IDO2: variants seen among roughly 807,000 people sequenced by gnomAD.
The protein encoded by IDO2 is indoleamine 2,3-dioxygenase-like 1 protein.
Under a neutral mutation model 45.1 loss-of-function variants are expected in IDO2, and 46 were observed. That is an observed-to-expected ratio of 1.02 (90% CI 0.80 to 1.30). IDO2 has a LOEUF of 1.30. Among genes scored for constraint, IDO2 ranks in the 50% most tolerant of loss-of-function variants. IDO2 has a pLI of 0.00. For synonymous variants in IDO2, 218 were observed against 184.9 expected (o/e 1.18, Z -1.45); for missense variants, 544 against 491.8 (o/e 1.11, Z -1.00).
At chr8:39,948,759 C>G (rs1459697504) in intron 1 of IDO2, among the ~76,000 whole-genome samples, 4 of 152,152 alleles carry the variant, frequency 2.6e-5, no homozygotes, top group African/African-American at 7.2e-5. Context: ...TGGAGTAACT[C>G]TGATCCATTT....
At chr8:39,942,371 T>C (rs571120107) in intron 1 of IDO2, among the ~76,000 whole-genome samples, 1 of 152,206 alleles carries the variant, frequency 6.6e-6, no homozygotes, top group African/African-American at 2.4e-5. Flanking sequence ...GGGCTGGGCG[T>C]GGTGGTTCAC....
In IDO2 at chr8:39,958,001, G is replaced by C. The variant is rs181287252; in HGVS notation, c.100-5607G>C. On this transcript the variant is annotated intron_variant, in intron 2 of 10. Transcript: ENST00000502986. ...GCTCACTGCAACCTTCGCCTCCTGG[G>C]TTCACGCCATTCTCCCGCCTCAGCC... Among the ~76,000 whole-genome samples, 351 of 152,006 alleles carry C rather than the reference G, an allele frequency of 2.3e-3. 1 individual carries two copies. The highest frequency in any genetic ancestry group is 4.2e-3 in the Non-Finnish European group (283 of 67,980).
At chr8:39,962,293 A>G (rs1437493025) in intron 2 of IDO2, among the ~76,000 whole-genome samples, 1 of 152,198 alleles carries the variant, frequency 6.6e-6, no homozygotes, top group Non-Finnish European at 1.5e-5. Flanking sequence ...TATCTTTAAT[A>G]TATGGCTTCT....
intron 8 of IDO2, among the ~76,000 whole-genome samples, chr8:39,994,655 G>A (rs1421215): frequency 0.27 from 15,705 of 58,678 alleles, 1,138 homozygotes; most frequent in East Asian, 0.46. Flanking sequence ...TAAATGTCTC[G>A]GTTCAGCCTG....
intron 1 of IDO2, among the ~76,000 whole-genome samples, chr8:39,946,431 C>A (rs1009491173): frequency 6.6e-6 from 1 of 152,016 alleles, no homozygotes; most frequent in Non-Finnish European, 1.5e-5. Flanking sequence ...ACATGGTAAA[C>A]CCTGTCTCTA....
At chr8:39,973,805 A>G (rs2129594200) in intron 3 of IDO2, among the ~76,000 whole-genome samples, 1 of 151,062 alleles carries the variant, frequency 6.6e-6, no homozygotes, top group East Asian at 1.9e-4. Flanking sequence ...GTAGTGGCAC[A>G]ATCTCGGCTC....
chr8:39,953,272 A>G (rs1217329519), intron 2 of IDO2, among the ~76,000 whole-genome samples: 1 of 152,182 alleles, frequency 6.6e-6, no homozygotes, highest in Non-Finnish European at 1.5e-5. Flanking sequence ...TCCTCAAAGA[A>G]TGTTACATGC....
intron 1 of IDO2, among the ~76,000 whole-genome samples, chr8:39,948,578 C>T (rs1013212624): frequency 1.1e-4 from 16 of 152,070 alleles, no homozygotes; most frequent in Admixed American, 2.6e-4. Flanking sequence ...ATCACTAACG[C>T]GACATTTTGA....
At chr8:39,991,862 C>T (rs113043725) in intron 8 of IDO2, among the ~76,000 whole-genome samples, 3,695 of 152,294 alleles carry the variant, frequency 0.024, 62 homozygotes, top group Middle Eastern at 0.041. Context: ...TGAGCCACTG[C>T]GCCCAGCTCA....
chr8:39,947,394 G>C (rs1807753120), intron 1 of IDO2, among the ~76,000 whole-genome samples: 1 of 152,076 alleles, frequency 6.6e-6, no homozygotes, highest in Admixed American at 6.6e-5. Context: ...TATGTTCTTA[G>C]CTCCCACAAT....
At chr8:39,985,364 G>A (rs879366260) in intron 5 of IDO2, 144 bp from the exon 6 acceptor site, 77 of 678,128 alleles carry the variant, frequency 1.1e-4, no homozygotes, top group Non-Finnish European at 1.6e-4. Context: ...GTGGATGTGT[G>A]TGTGCCTGCA....
At chr8:39,956,022 T>C (rs1585399472) in intron 2 of IDO2, among the ~76,000 whole-genome samples, 1 of 152,020 alleles carries the variant, frequency 6.6e-6, no homozygotes, top group African/African-American at 2.4e-5. Context: ...AGGATTAATC[T>C]TTAGGTTACG....
intron 1 of IDO2, among the ~76,000 whole-genome samples, chr8:39,947,171 C>CAAAAAAAAAAAAAAAAA (rs55785952): frequency 2.5e-5 from 2 of 80,036 alleles, no homozygotes; most frequent in Non-Finnish European, 4.5e-5. Flanking sequence ...GCTAAGGTAT[C>CAAAAAAAAAAAAAAAAA]AAAAAAAAAA....
intron 2 of IDO2, among the ~76,000 whole-genome samples, chr8:39,949,480 C>T (rs1248145329): frequency 1.3e-5 from 2 of 151,972 alleles, no homozygotes; most frequent in Non-Finnish European, 2.9e-5. Context: ...TTTTTTGTTT[C>T]AGTTTCTTTT....
intron 8 of IDO2, among the ~76,000 whole-genome samples, chr8:40,000,782 T>C (rs1354907316): frequency 2.6e-5 from 4 of 152,350 alleles, no homozygotes; most frequent in Non-Finnish European, 4.4e-5. Flanking sequence ...TCTTTAGTTT[T>C]ATTGGCCAAC....
At chr8:40,013,175 A>C (rs550176219) in intron 9 of IDO2, among the ~76,000 whole-genome samples, 56 of 152,258 alleles carry the variant, frequency 3.7e-4, no homozygotes, top group African/African-American at 1.1e-3. Flanking sequence ...GTATCTGCTC[A>C]TCAAGGTTGA....
At chr8:39,988,953 G>A (rs754866605) in intron 7 of IDO2, among the ~76,000 whole-genome samples, 3 of 152,058 alleles carry the variant, frequency 2.0e-5, no homozygotes, top group Non-Finnish European at 2.9e-5. Flanking sequence ...CCAGCAGAGG[G>A]GATTCTAGAG....
intron 1 of IDO2, 59 bp downstream of exon 1, chr8:39,935,277 G>A (rs1807528143): frequency 1.5e-6 from 2 of 1,348,262 alleles, no homozygotes; most frequent in Non-Finnish European, 2.1e-6. Context: ...CATCAAGACT[G>A]ACAATTTGGG....
intron 8 of IDO2, among the ~76,000 whole-genome samples, chr8:40,001,574 G>A (rs1432719360): frequency 1.3e-5 from 2 of 151,560 alleles, no homozygotes; most frequent in African/African-American, 4.8e-5. Flanking sequence ...ATACTAATTA[G>A]GCTTTTATCT....
Sources: gnomAD v4.1 joint callset for allele counts (sites outside exome capture counted in the v4.1 genomes callset) on GRCh38, gnomAD v4.1.1 for gene constraint, MANE v1.5 for transcripts, NCBI Gene and HGNC (gene_info 2026-07-23, HGNC 2026-07-21) for gene names.